FAM227A: variants seen among roughly 807,000 people sequenced by gnomAD.
FAM227A encodes protein FAM227A.
FAM227A carries 80 observed loss-of-function variants against 74.7 expected under a neutral mutation model. That is an observed-to-expected ratio of 1.07 (90% CI 0.89 to 1.29). The LOEUF is 1.29. Ranked by LOEUF, FAM227A falls within the 50% of genes most tolerant of loss-of-function variation. The probability of loss-of-function intolerance (pLI) is 0.00; values close to 1 mark genes in which losing one functional copy is unlikely to be tolerated. For synonymous variants in FAM227A, 237 were observed against 241.8 expected (o/e 0.98, Z 0.19); for missense variants, 654 against 683.4 (o/e 0.96, Z 0.48).
chr22:38,625,160 T>C (rs4821798), intron 9 of FAM227A, among the ~76,000 whole-genome samples: 54,310 of 151,454 alleles, frequency 0.36, 10,137 homozygotes, highest in East Asian at 0.47. Context: ...GAGGCCTTGT[T>C]GGGCGGATGA....
intron 10 of FAM227A, 122 bp downstream of exon 10, chr22:38,623,049 TG>T: frequency 1.5e-6 from 1 of 671,778 alleles, no homozygotes; most frequent in Non-Finnish European, 2.6e-6. Flanking sequence ...GTGGCTAATT[TG>T]GGGGTACCCG....
At chr22:38,604,499 G>A (rs1034592218) in intron 13 of FAM227A, among the ~76,000 whole-genome samples, 2 of 152,064 alleles carry the variant, frequency 1.3e-5, no homozygotes, top group African/African-American at 4.8e-5. Context: ...CATCCACTGA[G>A]GTTTGTGGGG....
intron 11 of FAM227A, among the ~76,000 whole-genome samples, chr22:38,613,185 AAT>A (rs371387079): frequency 0.11 from 8,703 of 82,052 alleles, 715 homozygotes; most frequent in African/African-American, 0.23. Context: ...TATTATATAT[AAT>A]ATATATATAT....
chr22:38,636,604 C>T lies in FAM227A; in HGVS notation c.373-7G>A, dbSNP rs138491891. ...GATTTTTATCTGCTGTTTTCTGAAG[C>T]AAAAGAGCAGAATATGAAAATGGGG... On this transcript the variant is annotated splice_region_variant and splice_polypyrimidine_tract_variant and intron_variant, in intron 5 of 16. Coordinates refer to ENST00000535113, the MANE Select transcript of FAM227A (RefSeq NM_001013647.2). 242 of 1,549,956 alleles carry T rather than the reference C, an allele frequency of 1.6e-4. 1 individual carries two copies. The African/African-American group carries it at 2.3e-3, about 15-fold the overall frequency.
At chr22:38,638,488 T>A (rs2092048414) in intron 5 of FAM227A, among the ~76,000 whole-genome samples, 1 of 152,202 alleles carries the variant, frequency 6.6e-6, no homozygotes, top group Non-Finnish European at 1.5e-5. Flanking sequence ...GGATTAGACC[T>A]GAACATCTCT....
chr22:38,624,235 T>A (rs894468440), intron 9 of FAM227A, among the ~76,000 whole-genome samples: 35 of 152,018 alleles, frequency 2.3e-4, no homozygotes, highest in African/African-American at 8.0e-4. Flanking sequence ...TGAAACCCCA[T>A]CTCTACTAAA....
intron 11 of FAM227A, among the ~76,000 whole-genome samples, chr22:38,618,177 G>A (rs1375467945): frequency 6.6e-6 from 1 of 152,162 alleles, no homozygotes; most frequent in East Asian, 1.9e-4. Context: ...TTGAGCTGAA[G>A]GCAATTGAAA....
rs1396583060 is a variant in FAM227A at position 38,584,464 on chromosome 22, T to C, written c.*1661A>G. 1 of 152,168 alleles carries C rather than the reference T, an allele frequency of 6.6e-6. No individual in the cohort carries two copies. Among genetic ancestry groups the C allele is most frequent in the African/African-American group, 2.4e-5 (1 of 41,418 alleles). The allele number at this position is 152,168 out of a possible 1,614,324, so 9.4% of individuals were successfully genotyped here. ...ACCTATGATTACTATTATTATGTTA[T>C]ACAATATTAGATACTCCAGGCCAGG... is the stretch of plus-strand genomic sequence containing the variant. On this transcript the variant is annotated 3_prime_UTR_variant, in exon 17 of 17. Coordinates refer to ENST00000535113, the MANE Select transcript of FAM227A (RefSeq NM_001013647.2).
At position 38,613,082 on chromosome 22, in the gene FAM227A, TTATA is replaced by T. The variant is rs376965177; in HGVS notation, c.1039-5610_1039-5607del. On this transcript the variant is annotated intron_variant, in intron 11 of 16. Coordinates refer to ENST00000535113, the MANE Select transcript of FAM227A (RefSeq NM_001013647.2). ...ATATATGTAAATATATTATATATAA[TTATA>T]TATATATATTATATATAATTATATA... Among the ~76,000 whole-genome samples, 174 of 93,288 alleles carry T rather than the reference TTATA, an allele frequency of 1.9e-3. 2 individuals are homozygous for T. The Admixed American group carries it at 0.023, about 12-fold the overall frequency. The allele number at this position is 93,288 out of a possible 152,430, so 61.2% of individuals were successfully genotyped here.
At chr22:38,626,588 G>A (rs1396378221) in intron 8 of FAM227A, among the ~76,000 whole-genome samples, 1 of 151,822 alleles carries the variant, frequency 6.6e-6, no homozygotes, top group Admixed American at 6.6e-5. Flanking sequence ...ATGGGGCCGG[G>A]TGCGGTGGCT....
At chr22:38,599,363 T>C (rs1191831326) in intron 14 of FAM227A, among the ~76,000 whole-genome samples, 1 of 152,174 alleles carries the variant, frequency 6.6e-6, no homozygotes, top group Non-Finnish European at 1.5e-5. Flanking sequence ...GGAATGTGTC[T>C]GAGGAGGGTG....
chr22:38,619,603 C>T (rs1042452052), intron 11 of FAM227A, among the ~76,000 whole-genome samples: 1 of 152,174 alleles, frequency 6.6e-6, no homozygotes, highest in Non-Finnish European at 1.5e-5. Flanking sequence ...GGATTATAGG[C>T]GTGAGTCACT....
chr22:38,632,080 G>A lies in FAM227A; in HGVS notation c.520-3145C>T, dbSNP rs146831447. ...TGGAAAGCTGTGTTTTCAACAAGAC[G>A]GCGAGCCCTGGAGGAAAAGCAGAAC... On this transcript the variant is annotated intron_variant, in intron 6 of 16. Coordinates refer to ENST00000535113, the MANE Select transcript of FAM227A (RefSeq NM_001013647.2). Among the ~76,000 whole-genome samples the A allele has an allele frequency of 2.6e-4, 39 of 152,060 alleles. 1 individual carries two copies. The highest frequency in any genetic ancestry group is 8.0e-4 in the African/African-American group (33 of 41,366).
chr22:38,641,974 T>TGTGTGC (rs1555973176), intron 3 of FAM227A, among the ~76,000 whole-genome samples: 3,337 of 146,098 alleles, frequency 0.023, 56 homozygotes, highest in African/African-American at 0.034. Context: ...TGTGTGTGTG[T>TGTGTGC]GCGCACGTGT....
intron 5 of FAM227A, among the ~76,000 whole-genome samples, chr22:38,636,806 T>G (rs2092017142): frequency 6.6e-6 from 1 of 150,804 alleles, no homozygotes; most frequent in Non-Finnish European, 1.5e-5. Flanking sequence ...AATTTCACTC[T>G]TGTTGTCCAG....
intron 6 of FAM227A, among the ~76,000 whole-genome samples, chr22:38,636,085 A>C (rs1346909529): frequency 2.7e-5 from 4 of 147,706 alleles, no homozygotes; most frequent in Non-Finnish European, 5.9e-5. Context: ...GAAAGGAAGG[A>C]AGGAGGGAGG....
rs993639777 is a variant in FAM227A at position 38,585,122 on chromosome 22, T to A, written c.*1003A>T. On this transcript the variant is annotated 3_prime_UTR_variant, in exon 17 of 17. Coordinates refer to ENST00000535113, the MANE Select transcript of FAM227A (RefSeq NM_001013647.2). ...ATTTAAAATTTTTTAATTAAAAAAATTAATTTACATTTAAATCCTGACTTT... is the reference window on the plus strand; with the variant it reads ...ATTTAAAATTTTTTAATTAAAAAAAATAATTTACATTTAAATCCTGACTTT... 1.3e-5 allele frequency: 2 copies of A among 152,278 alleles called. No individual in the cohort carries two copies. Among genetic ancestry groups the A allele is most frequent in the Non-Finnish European group, 2.9e-5 (2 of 68,032 alleles). The allele number at this position is 152,278 out of a possible 1,614,324, so 9.4% of individuals were successfully genotyped here.
At chr22:38,601,602 T>C (rs2091179698) in intron 13 of FAM227A, among the ~76,000 whole-genome samples, 1 of 152,056 alleles carries the variant, frequency 6.6e-6, no homozygotes, top group Admixed American at 6.6e-5. Flanking sequence ...GAGAAATGAC[T>C]GTGAGGGTAA....
intron 3 of FAM227A, among the ~76,000 whole-genome samples, chr22:38,643,709 A>G (rs1457040518): frequency 2.0e-5 from 3 of 152,232 alleles, no homozygotes; most frequent in East Asian, 1.9e-4. Flanking sequence ...GGATGCTTAC[A>G]GCAGTTTTAT....
Sources: gnomAD v4.1 joint callset for allele counts (sites outside exome capture counted in the v4.1 genomes callset) on GRCh38, gnomAD v4.1.1 for gene constraint, MANE v1.5 for transcripts, NCBI Gene and HGNC (gene_info 2026-07-23, HGNC 2026-07-21) for gene names.